Variants in DAAM1 observed in about 807,000 individuals in gnomAD.
DAAM1 encodes dishevelled associated activator of morphogenesis 1.
DAAM1 carries 52 observed loss-of-function variants against 130.0 expected under a neutral mutation model. The ratio of observed to expected loss-of-function variants is 0.40; its 90% CI spans 0.32 to 0.50. The LOEUF (loss-of-function observed/expected upper bound fraction) is 0.50. Among genes scored for constraint, DAAM1 ranks in the 20% least tolerant of loss-of-function variants. The probability of loss-of-function intolerance (pLI) is 0.61; values close to 1 mark genes in which losing one functional copy is unlikely to be tolerated. For missense variants in DAAM1, 1,134 were observed against 1,303.8 expected (o/e 0.87, Z 2.01); for synonymous variants, 452 against 444.5 (o/e 1.02, Z -0.21).
intron 16 of DAAM1, among the ~76,000 whole-genome samples, chr14:59,344,761 A>G (rs1373282420): frequency 6.6e-6 from 1 of 152,196 alleles, no homozygotes; most frequent in Non-Finnish European, 1.5e-5. Context: ...GAGCATAAAT[A>G]TATACAATTT....
At chr14:59,233,929 T>G (rs1889201395) in intron 1 of DAAM1, among the ~76,000 whole-genome samples, 1 of 152,174 alleles carries the variant, frequency 6.6e-6, no homozygotes, top group Non-Finnish European at 1.5e-5. Flanking sequence ...TTGTCGAAGA[T>G]CAGATGGTTG....
At chr14:59,327,402 C>CTTTTTTTTTTCTTTT (rs1885250078) in intron 12 of DAAM1, among the ~76,000 whole-genome samples, 1 of 58,992 alleles carries the variant, frequency 1.7e-5, no homozygotes, top group Non-Finnish European at 2.9e-5. Flanking sequence ...CACTTGGTTT[C>CTTTTTTTTTTCTTTT]TTTTTTTTTT....
chr14:59,226,134 A>C (rs1888936960), intron 1 of DAAM1, among the ~76,000 whole-genome samples: 1 of 152,076 alleles, frequency 6.6e-6, no homozygotes, highest in Admixed American at 6.6e-5. Context: ...AACTTAGGAT[A>C]CTTTTCACTG....
intron 5 of DAAM1, 87 bp downstream of exon 5, chr14:59,320,671 G>A: frequency 1.1e-6 from 1 of 907,036 alleles, no homozygotes; most frequent in Non-Finnish European, 1.6e-6. Flanking sequence ...GAAGTCTTAA[G>A]TTAAAACCAT....
At chr14:59,258,947 C>T (rs1045731947) in intron 1 of DAAM1, among the ~76,000 whole-genome samples, 1 of 152,152 alleles carries the variant, frequency 6.6e-6, no homozygotes, top group African/African-American at 2.4e-5. Flanking sequence ...TGTCTTATTA[C>T]CCATCTCCGA....
intron 1 of DAAM1, among the ~76,000 whole-genome samples, chr14:59,246,681 C>A (rs1224775954): frequency 5.9e-5 from 9 of 152,144 alleles, no homozygotes; most frequent in Admixed American, 5.9e-4. Flanking sequence ...GTACAGGGTT[C>A]CAGTTTCTCC....
At chr14:59,364,172 G>A (rs550476739) in intron 23 of DAAM1, among the ~76,000 whole-genome samples, 1 of 152,306 alleles carries the variant, frequency 6.6e-6, no homozygotes, top group Admixed American at 6.5e-5. Context: ...CATCAAATGT[G>A]CAATCAGGTG....
chr14:59,253,968 G>C (rs1881758164), intron 1 of DAAM1, among the ~76,000 whole-genome samples: 1 of 152,192 alleles, frequency 6.6e-6, no homozygotes, highest in Non-Finnish European at 1.5e-5. Context: ...TTTCAATTGT[G>C]AGGAAGTTAA....
chr14:59,238,385 T>C (rs578232530), intron 1 of DAAM1, among the ~76,000 whole-genome samples: 2 of 152,324 alleles, frequency 1.3e-5, no homozygotes, highest in African/African-American at 4.8e-5. Context: ...AACACTCTTT[T>C]GTGGCATTTG....
At position 59,370,827 on chromosome 14, in the gene DAAM1, G is replaced by C. The variant is rs1002715094; in HGVS notation, c.*1968G>C. On this transcript the variant is annotated 3_prime_UTR_variant, in exon 25 of 25. Coordinates refer to ENST00000360909, the MANE Select transcript of DAAM1 (RefSeq NM_001270520.2). Reference sequence around the variant, plus strand: ...TGTTCCTTAACTAAAGTGCCTCTATGTATATTCTTTTCTATTTGTAGCAGG... The same window carrying C: ...TGTTCCTTAACTAAAGTGCCTCTATCTATATTCTTTTCTATTTGTAGCAGG... The C allele has an allele frequency of 6.6e-6, 1 of 152,232 alleles. No homozygotes were observed. Among genetic ancestry groups the C allele is most frequent in the East Asian group, 1.9e-4 (1 of 5,186 alleles). 9.4% of individuals were successfully genotyped at this position (152,232 alleles called of 1,614,324 possible). A position where few individuals can be genotyped will look rare whatever the true frequency, so the allele number is the denominator to read the frequency against.
chr14:59,241,609 G>A (rs12101052), intron 1 of DAAM1, among the ~76,000 whole-genome samples: 34,465 of 152,122 alleles, frequency 0.23, 4,069 homozygotes, highest in East Asian at 0.32. Context: ...ATTGTGTACT[G>A]CCATTTTGCT....
rs1193826544 is a variant in DAAM1, at chr14:59,325,906, G to A, written c.1057-54G>A. The A allele has an allele frequency of 2.6e-6, 4 of 1,566,850 alleles. No homozygotes were observed. The African/African-American group carries it at 4.1e-5, about 16-fold the overall frequency. ...GTTTGCTTTGAGTTTACTTTACACT[G>A]GGGAAACTGAGGAACTTAGATGTTT... On this transcript the variant is annotated intron_variant, in intron 9 of 24. Transcript: ENST00000360909.
chr14:59,345,584 A>G (rs1393741530), intron 16 of DAAM1, among the ~76,000 whole-genome samples: 1 of 152,178 alleles, frequency 6.6e-6, no homozygotes, highest in Non-Finnish European at 1.5e-5. Flanking sequence ...TCCCAAATCT[A>G]GAGAAAAAGA....
chr14:59,366,346 T>C (rs1886916137), intron 23 of DAAM1, among the ~76,000 whole-genome samples: 1 of 152,232 alleles, frequency 6.6e-6, no homozygotes, highest in African/African-American at 2.4e-5. Context: ...ACTCAGTTGC[T>C]GTTTTCTCAC....
chr14:59,316,202 C>A (rs1884787229), intron 4 of DAAM1, among the ~76,000 whole-genome samples: 1 of 152,162 alleles, frequency 6.6e-6, no homozygotes, highest in Non-Finnish European at 1.5e-5. Flanking sequence ...ATGTTTATAA[C>A]ATGCAAGTAG....
At chr14:59,255,745 TC>T (rs1464170514) in intron 1 of DAAM1, among the ~76,000 whole-genome samples, 1 of 152,218 alleles carries the variant, frequency 6.6e-6, no homozygotes, top group African/African-American at 2.4e-5. Flanking sequence ...TTCTATTGTT[TC>T]AGAAATTCCA....
intron 3 of DAAM1, among the ~76,000 whole-genome samples, chr14:59,305,625 C>T (rs1036693723): frequency 2.0e-5 from 3 of 152,146 alleles, no homozygotes; most frequent in East Asian, 3.9e-4. Context: ...CCTCTAACCA[C>T]CCCCCAACTC....
At chr14:59,280,466 A>G (rs1051333732) in intron 2 of DAAM1, among the ~76,000 whole-genome samples, 1 of 149,008 alleles carries the variant, frequency 6.7e-6, no homozygotes, top group Non-Finnish European at 1.5e-5. Context: ...AATCCTCACT[A>G]TATCTTGAAA....
chr14:59,320,619 T>TC, intron 5 of DAAM1, 35 bp downstream of exon 5: 5 of 1,450,044 alleles, frequency 3.4e-6, no homozygotes, highest in Non-Finnish European at 3.7e-6. Context: ...TTTTTTTTTT[T>TC]CTCTCCTTCC....
Sources: allele counts gnomAD v4.1 joint callset (sites outside exome capture counted in the v4.1 genomes callset), GRCh38; gene constraint gnomAD v4.1.1; transcripts MANE v1.5; gene names NCBI Gene and HGNC (gene_info 2026-07-23, HGNC 2026-07-21).